NDUFAF2: variants seen among roughly 807,000 people sequenced by gnomAD.
The protein encoded by NDUFAF2 is NADH dehydrogenase [ubiquinone] 1 alpha subcomplex assembly factor 2.
Under a neutral mutation model 22.8 loss-of-function variants are expected in NDUFAF2, and 13 were observed. The ratio of observed to expected loss-of-function variants is 0.57; its 90% CI spans 0.37 to 0.91. The LOEUF (loss-of-function observed/expected upper bound fraction) is 0.91. Among genes scored for constraint, NDUFAF2 ranks in the 40% least tolerant of loss-of-function variants. The pLI is 0.01. For missense variants in NDUFAF2, 162 were observed against 195.2 expected (o/e 0.83, Z 1.01); for synonymous variants, 53 against 64.2 (o/e 0.83, Z 0.84).
At chr5:61,007,333 A>G (rs1357504763) in intron 1 of NDUFAF2, among the ~76,000 whole-genome samples, 5 of 151,980 alleles carry the variant, frequency 3.3e-5, no homozygotes, top group Non-Finnish European at 7.4e-5. Flanking sequence ...CTTTCTACAT[A>G]TGGCTAGCCA....
intron 3 of NDUFAF2, among the ~76,000 whole-genome samples, chr5:61,125,920 A>G (rs1753030432): frequency 6.6e-6 from 1 of 152,052 alleles, no homozygotes; most frequent in Admixed American, 6.6e-5. Flanking sequence ...ATTCTGCACT[A>G]AGTGTGCCCC....
chr5:61,135,225 T>C (rs1740905988), intron 3 of NDUFAF2, among the ~76,000 whole-genome samples: 2 of 152,106 alleles, frequency 1.3e-5, no homozygotes, highest in South Asian at 4.1e-4. Flanking sequence ...ACATCTCATC[T>C]CAGACTATGA....
intron 1 of NDUFAF2, among the ~76,000 whole-genome samples, chr5:61,019,795 T>A (rs1751555398): frequency 6.6e-6 from 1 of 152,150 alleles, no homozygotes; most frequent in African/African-American, 2.4e-5. Flanking sequence ...TACTGGCCTC[T>A]TCTGATTTTT....
At chr5:60,996,597 C>T (rs532325864) in intron 1 of NDUFAF2, among the ~76,000 whole-genome samples, 1 of 152,280 alleles carries the variant, frequency 6.6e-6, no homozygotes, top group East Asian at 1.9e-4. Flanking sequence ...AGTTCAACAC[C>T]AGGATTCATC....
chr5:60,963,152 G>A (rs2112568819), intron 1 of NDUFAF2, among the ~76,000 whole-genome samples: 1 of 152,152 alleles, frequency 6.6e-6, no homozygotes, highest in African/African-American at 2.4e-5. Context: ...CCAAAGTGCT[G>A]AGATTACAGG....
At chr5:61,083,118 G>A (rs1752464236) in intron 2 of NDUFAF2, 1 of 152,064 alleles carries the variant, frequency 6.6e-6, no homozygotes, top group African/African-American at 2.4e-5. Context: ...GCATTTCTCA[G>A]ATGATTAGTC....
chr5:61,092,066 T>C (rs1182441122), intron 2 of NDUFAF2, among the ~76,000 whole-genome samples: 4 of 152,124 alleles, frequency 2.6e-5, no homozygotes, highest in African/African-American at 7.2e-5. Context: ...TGTTTTTGTA[T>C]CAGTACCATG....
At chr5:61,017,582 A>G (rs936371330) in intron 1 of NDUFAF2, among the ~76,000 whole-genome samples, 32 of 152,154 alleles carry the variant, frequency 2.1e-4, no homozygotes, top group African/African-American at 7.5e-4. Context: ...TTTGTAAACT[A>G]GTTGTTAAAT....
In NDUFAF2 at chr5:61,073,218, A is replaced by C; in HGVS notation, c.217+4A>C. 6.2e-7 allele frequency: 1 copy of C among 1,602,202 alleles called. No homozygotes were observed. Among genetic ancestry groups the C allele is most frequent in the Non-Finnish European group, 8.6e-7 (1 of 1,169,372 alleles). On this transcript the variant is annotated splice_donor_region_variant and intron_variant, in intron 2 of 3. Transcript: ENST00000296597. ...GATATTCCAACAGAATGGGAAGGTA[A>C]GTTTCTGCTTTTAGTAGAATCTCAT...
In NDUFAF2 at chr5:61,131,667, A is replaced by G. The variant is rs190083430; in HGVS notation, c.259-21037A>G. 5.2e-3 allele frequency among the ~76,000 whole-genome samples: 797 copies of G among 152,254 alleles called. 9 individuals carry two copies. The highest frequency in any genetic ancestry group is 0.019 in the African/African-American group (772 of 41,536). On this transcript the variant is annotated intron_variant, in intron 3 of 3. Coordinates refer to ENST00000296597, the MANE Select transcript of NDUFAF2 (RefSeq NM_174889.5). ...CCATTATGAAGGATAATGTACACCT[A>G]TATATATTGACACAAAAAAGATGTC... is the stretch of plus-strand genomic sequence containing the variant.
intron 1 of NDUFAF2, among the ~76,000 whole-genome samples, chr5:60,989,273 G>T (rs919176337): frequency 1.2e-4 from 18 of 152,126 alleles, no homozygotes; most frequent in Admixed American, 5.9e-4. Flanking sequence ...ATGCTGGAGG[G>T]GTTATAGAGA....
chr5:61,130,549 T>G (rs1238684578), intron 3 of NDUFAF2, among the ~76,000 whole-genome samples: 1 of 152,040 alleles, frequency 6.6e-6, no homozygotes, highest in Non-Finnish European at 1.5e-5. Context: ...AGTCCAAGAT[T>G]TTCTGACAAG....
At chr5:60,979,589 G>A (rs923508275) in intron 1 of NDUFAF2, among the ~76,000 whole-genome samples, 2 of 152,288 alleles carry the variant, frequency 1.3e-5, no homozygotes, top group Admixed American at 6.5e-5. Flanking sequence ...TGAGGAAAAG[G>A]GAGAGAAGAC....
intron 1 of NDUFAF2, among the ~76,000 whole-genome samples, chr5:61,020,934 T>C (rs1276397976): frequency 1.3e-5 from 2 of 151,414 alleles, no homozygotes; most frequent in East Asian, 3.9e-4. Flanking sequence ...GACCTCGTGA[T>C]CCGCCTGCCT....
intron 1 of NDUFAF2, among the ~76,000 whole-genome samples, chr5:61,009,130 A>G (rs960473704): frequency 6.6e-6 from 1 of 152,098 alleles, no homozygotes; most frequent in African/African-American, 2.4e-5. Context: ...TCGAAAGACA[A>G]CATTCTGATA....
At chr5:60,975,062 G>A (rs1258739395) in intron 1 of NDUFAF2, among the ~76,000 whole-genome samples, 3 of 152,150 alleles carry the variant, frequency 2.0e-5, no homozygotes. Context: ...ATCTGCCTTG[G>A]CCTCCCAAAG....
At chr5:61,069,304 A>G (rs904842148) in intron 1 of NDUFAF2, among the ~76,000 whole-genome samples, 6 of 152,086 alleles carry the variant, frequency 3.9e-5, no homozygotes, top group African/African-American at 1.4e-4. Context: ...TGCTGGTTGT[A>G]TTGGTTTCTA....
At chr5:61,085,170 A>T (rs1295897644) in intron 2 of NDUFAF2, among the ~76,000 whole-genome samples, 1 of 152,192 alleles carries the variant, frequency 6.6e-6, no homozygotes, top group African/African-American at 2.4e-5. Context: ...TAGCAACCTG[A>T]ATCCAGCAAT....
At chr5:60,968,118 G>T (rs1015760129) in intron 1 of NDUFAF2, among the ~76,000 whole-genome samples, 6 of 151,900 alleles carry the variant, frequency 3.9e-5, no homozygotes, top group African/African-American at 1.4e-4. Context: ...TATACAATTT[G>T]TTGGGAAATA....
Sources: gnomAD v4.1 joint callset for allele counts (sites outside exome capture counted in the v4.1 genomes callset) on GRCh38, gnomAD v4.1.1 for gene constraint, MANE v1.5 for transcripts, NCBI Gene and HGNC (gene_info 2026-07-23, HGNC 2026-07-21) for gene names.